The following MAPK9 variants were observed in gnomAD, a reference collection of about 807,000 sequenced individuals.
The protein encoded by MAPK9 is mitogen-activated protein kinase 9.
In MAPK9, 30 loss-of-function variants were observed where a neutral mutation model predicts 57.1. The observed-to-expected ratio is 0.53, with a 90% CI of 0.39 to 0.71. The LOEUF (loss-of-function observed/expected upper bound fraction) is 0.71, where lower values mean the gene tolerates loss of function less well. MAPK9 is among the 30% of genes least tolerant of loss of function. MAPK9 has a pLI of 0.00. For missense variants in MAPK9, 362 were observed against 521.0 expected, an observed-to-expected ratio of 0.69 and a Z score of 2.97; for synonymous variants, 155 against 177.0, an observed-to-expected ratio of 0.88 and a Z score of 0.99.
chr5:180,241,074 T>G lies in MAPK9; in HGVS notation c.953A>C (p.His318Pro), dbSNP rs1581166483. 1 of 1,614,102 alleles carries G rather than the reference T, an allele frequency of 6.2e-7. No homozygotes were observed. Among genetic ancestry groups the G allele is most frequent in the Non-Finnish European group, 8.5e-7 (1 of 1,179,998 alleles). ...KRISVDEALR[H>P]PYITVWYDPA... ...GTCATACCAAACAGTGATGTATGGG[T>G]GACGCAGAGCTTCGTCTACAGAGAT... The change falls in exon 9 of 12, where the codon CAC (histidine) becomes CCC (proline). Residue 318 changes from histidine to proline, a missense_variant. By Grantham distance (77) the His-to-Pro change is moderately conservative. Coordinates refer to ENST00000452135, the MANE Select transcript of MAPK9 (RefSeq NM_002752.5).
chr5:180,274,397 C>T (rs35288370), intron 2 of MAPK9, among the ~76,000 whole-genome samples: 1,975 of 152,252 alleles, frequency 0.013, 34 homozygotes, highest in African/African-American at 0.045. Context: ...GCAGAGTTTG[C>T]TCTGGCTCAT....
At chr5:180,262,537 C>A (rs1286729141) in intron 4 of MAPK9, among the ~76,000 whole-genome samples, 2 of 151,382 alleles carry the variant, frequency 1.3e-5, no homozygotes, top group East Asian at 1.9e-4. Flanking sequence ...AAGCCATTCT[C>A]ATGCCTCGGA....
chr5:180,268,070 C>A (rs979587234), intron 3 of MAPK9, among the ~76,000 whole-genome samples: 3 of 151,990 alleles, frequency 2.0e-5, no homozygotes, highest in African/African-American at 7.3e-5. Flanking sequence ...ATGATCCACC[C>A]GCCTCGGCCT....
intron 4 of MAPK9, among the ~76,000 whole-genome samples, chr5:180,262,106 C>T (rs578157761): frequency 3.3e-5 from 5 of 152,112 alleles, no homozygotes; most frequent in Admixed American, 2.6e-4. Context: ...TGAAATTCTC[C>T]GTACCAGCCT....
At chr5:180,267,238 T>C (rs1396742489) in intron 3 of MAPK9, among the ~76,000 whole-genome samples, 3 of 152,126 alleles carry the variant, frequency 2.0e-5, no homozygotes, top group African/African-American at 7.2e-5. Flanking sequence ...ATATATATTT[T>C]TTGTAACCTG....
At chr5:180,288,408 A>G (rs1762955222) in intron 1 of MAPK9, among the ~76,000 whole-genome samples, 1 of 152,216 alleles carries the variant, frequency 6.6e-6, no homozygotes, top group Non-Finnish European at 1.5e-5. Context: ...TATTAAGGAA[A>G]CCTAAAATTC....
rs1463770897 is a variant in MAPK9, at chr5:180,291,357, G to T, written c.-48+491C>A. 5.3e-4 allele frequency among the ~76,000 whole-genome samples: 81 copies of T among 152,264 alleles called. 1 individual carries two copies. Among genetic ancestry groups the T allele is most frequent in the Non-Finnish European group, 5.9e-5 (4 of 68,006 alleles). ...GTTCCTACACCACTCACACCAGCAC[G>T]GGCCAGCACCCTGCCCAGTCTTCCA... On this transcript the variant is annotated intron_variant, in intron 1 of 11. Coordinates refer to ENST00000452135, the MANE Select transcript of MAPK9 (RefSeq NM_002752.5).
At chr5:180,289,094 T>C (rs770049499) in intron 1 of MAPK9, among the ~76,000 whole-genome samples, 4 of 152,238 alleles carry the variant, frequency 2.6e-5, no homozygotes, top group Non-Finnish European at 5.9e-5. Flanking sequence ...AGTTGCCCTA[T>C]TGGCAAATCA....
intron 5 of MAPK9, among the ~76,000 whole-genome samples, chr5:180,255,281 G>C (rs1370205451): frequency 1.3e-5 from 2 of 152,076 alleles, no homozygotes; most frequent in African/African-American, 2.4e-5. Flanking sequence ...ACCAAAACAA[G>C]GGGGTAATCT....
chr5:180,289,476 G>C (rs948049747), intron 1 of MAPK9, among the ~76,000 whole-genome samples: 4 of 152,186 alleles, frequency 2.6e-5, no homozygotes, highest in African/African-American at 9.7e-5. Context: ...TCCAGAACAA[G>C]TTAAAAGCCA....
At chr5:180,254,829 T>A (rs1472780637) in intron 5 of MAPK9, among the ~76,000 whole-genome samples, 2 of 152,202 alleles carry the variant, frequency 1.3e-5, no homozygotes, top group East Asian at 3.9e-4. Flanking sequence ...GGTCAGGAGA[T>A]CGAGACCATC....
intron 2 of MAPK9, among the ~76,000 whole-genome samples, chr5:180,277,174 G>A (rs187085962): frequency 6.6e-6 from 1 of 152,188 alleles, no homozygotes; most frequent in Admixed American, 6.5e-5. Context: ...TTGTGAATTA[G>A]TTTCCTATTG....
rs1758389753 is a variant in MAPK9, at chr5:180,248,902, GA to G, written c.616+70del. The G allele has an allele frequency of 6.7e-6, 10 of 1,500,006 alleles. No individual in the cohort carries two copies. In the South Asian group the frequency reaches 1.4e-4, roughly 20 times the overall value. The allele number at this position is 1,500,006 out of a possible 1,614,324, so 92.9% of individuals were successfully genotyped here. A position where few individuals can be genotyped will look rare whatever the true frequency, so the allele number is the denominator to read the frequency against. On this transcript the variant is annotated intron_variant, in intron 6 of 11. Transcript: ENST00000452135. The stretch of plus-strand genomic sequence containing the variant: ...TATATCATATGGTTCAAAGGAAAGA[GA>G]AAAAACTCGAGACCACCGCTAGAGC...
At chr5:180,280,632 G>A (rs1437731835) in intron 1 of MAPK9, 24 bp from the exon 2 acceptor site, 8 of 1,567,330 alleles carry the variant, frequency 5.1e-6, no homozygotes, top group African/African-American at 2.7e-5. Flanking sequence ...CAGAATGAAC[G>A]TGCATTCTTA....
rs778148482 is a variant in MAPK9 at position 180,247,444 on chromosome 5, G to A, written c.683C>T (p.Thr228Ile). 2 of 1,614,216 alleles carry A rather than the reference G, an allele frequency of 1.2e-6. No individual in the cohort carries two copies. The highest frequency in any genetic ancestry group is 1.7e-6 in the Non-Finnish European group (2 of 1,180,042). ...AAGGTCGCGGGGAAGGATACGGTCA[G>A]TGCCTTGGAATATCACACAACCTTT... ...LVKGCVIFQG[T>I]DHIDQWNKVI... The change falls in exon 7 of 12, where the codon ACT (threonine) becomes ATT (isoleucine). Residue 228 changes from threonine to isoleucine, a missense_variant. By Grantham distance (89) the Thr-to-Ile change is moderately conservative. Around this residue, in one of 3 missense-constraint regions of MAPK9, gnomAD observed 199 missense variants for 251.3 expected, o/e 0.79. Coordinates refer to ENST00000452135, the MANE Select transcript of MAPK9 (RefSeq NM_002752.5). The surrounding 1 kb of genome is among the most constrained non-coding windows in gnomAD (Gnocchi z 4.5).
At chr5:180,263,230 C>G (rs1429141362) in intron 4 of MAPK9, 1 of 152,270 alleles carries the variant, frequency 6.6e-6, no homozygotes, top group Non-Finnish European at 1.5e-5. Flanking sequence ...CAATTCCTCT[C>G]TCTCATACCA....
intron 10 of MAPK9, among the ~76,000 whole-genome samples, chr5:180,239,312 C>T (rs1485056415): frequency 6.6e-6 from 1 of 152,212 alleles, no homozygotes; most frequent in Admixed American, 6.5e-5. Flanking sequence ...TGACTGAGGC[C>T]AGTGAGCACG....
intron 1 of MAPK9, among the ~76,000 whole-genome samples, chr5:180,288,409 C>A (rs915490675): frequency 1.3e-5 from 2 of 152,124 alleles, no homozygotes; most frequent in Admixed American, 1.3e-4. Flanking sequence ...ATTAAGGAAA[C>A]CTAAAATTCA....
intron 3 of MAPK9, among the ~76,000 whole-genome samples, chr5:180,266,350 TG>T: frequency 6.6e-6 from 1 of 151,920 alleles, no homozygotes. Flanking sequence ...GTTTCATTCT[TG>T]TCCCCCAGGC....
Sources: allele counts gnomAD v4.1 joint callset (sites outside exome capture counted in the v4.1 genomes callset), GRCh38; gene constraint gnomAD v4.1.1; regional missense constraint gnomAD v4.1.1; non-coding constraint Gnocchi (gnomAD v3.1); transcripts MANE v1.5; gene names NCBI Gene and HGNC (gene_info 2026-07-23, HGNC 2026-07-21).